TERT: variants seen among roughly 807,000 people sequenced by gnomAD.
The protein encoded by TERT is telomerase reverse transcriptase.
Under a neutral mutation model 104.0 loss-of-function variants are expected in TERT, and 42 were observed. The observed-to-expected ratio is 0.40, with a 90% CI of 0.32 to 0.52. The LOEUF (loss-of-function observed/expected upper bound fraction) is 0.52, where lower values mean the gene tolerates loss of function less well. Ranked by LOEUF, TERT falls within the 20% of genes least tolerant of loss-of-function variation. The pLI is 0.43. For synonymous variants in TERT, 781 were observed against 725.6 expected (o/e 1.08, Z -1.23); for missense variants, 1,101 against 1,610.3 (o/e 0.68, Z 5.41).
At chr5:1,281,156 C>T (rs1003092338) in intron 3 of TERT, among the ~76,000 whole-genome samples, 11 of 152,210 alleles carry the variant, frequency 7.2e-5, no homozygotes, top group Admixed American at 6.5e-5. Flanking sequence ...TAAATTCTTT[C>T]CAAAATACTG....
At position 1,281,391 on chromosome 5, in the gene TERT, C is replaced by T. The variant is rs376605061; in HGVS notation, c.1769+1038G>A. Among the ~76,000 whole-genome samples, 31 of 151,812 alleles carry T rather than the reference C, an allele frequency of 2.0e-4. No homozygotes were observed. The East Asian group carries it at 5.6e-3, about 28-fold the overall frequency. On this transcript the variant is annotated intron_variant, in intron 3 of 15. Coordinates refer to ENST00000310581, the MANE Select transcript of TERT (RefSeq NM_198253.3). ...CATCCTGATTTGGGGCATGGGGTGT[C>T]ACAAGGCCCCCCAGGGACTCGAGTG...
chr5:1,257,799 G>A lies in TERT; in HGVS notation c.3032+799C>T, dbSNP rs567665440. Among the ~76,000 whole-genome samples, 5 of 152,292 alleles carry A rather than the reference G, an allele frequency of 3.3e-5. No individual in the cohort carries two copies. The highest frequency in any genetic ancestry group is 3.9e-4 in the East Asian group (2 of 5,178). On this transcript the variant is annotated intron_variant, in intron 13 of 15. Transcript: ENST00000310581. The surrounding 1 kb of genome is among the most constrained non-coding windows in gnomAD (Gnocchi z 5.6). ...TGTGCACGGTAATTCGCGCAGCCTC[G>A]GCCCTGGGTAACACAAATGCTCACA...
At position 1,255,563 on chromosome 5, in the gene TERT, C is replaced by T. The variant is rs1286657380; in HGVS notation, c.3033-152G>A. The T allele has an allele frequency of 1.1e-6, 1 of 940,756 alleles. No individual in the cohort carries two copies. Among genetic ancestry groups the T allele is most frequent in the African/African-American group, 1.6e-5 (1 of 62,022 alleles). 58.3% of individuals were successfully genotyped at this position (940,756 alleles called of 1,614,324 possible). On this transcript the variant is annotated intron_variant, in intron 13 of 15. Coordinates refer to ENST00000310581, the MANE Select transcript of TERT (RefSeq NM_198253.3). The surrounding 1 kb of genome is among the most constrained non-coding windows in gnomAD (Gnocchi z 6.9). ...ACAGGTGCACACACACGGATGCATG[C>T]ATGCATGTCTGTGTGTGTGCTTGTG...
rs753929279 is a variant in TERT, at chr5:1,278,742, T to C, written c.2185A>G (p.Ile729Val). Residue 729 changes from isoleucine to valine, a missense_variant, in exon 6 of 16, where the codon ATC becomes GTC. Transcript: ENST00000310581. The stretch of plus-strand genomic sequence containing the variant: ...TTCTGGGGTTTGATGATGCTGGCGA[T>C]GACCTCCGTGAGCCTGTCCTGGGGG... Reference protein sequence around the residue: ...TIPQDRLTEVIASIIKPQNTY... With the variant: ...TIPQDRLTEVVASIIKPQNTY... The C allele has an allele frequency of 1.2e-5, 20 of 1,614,058 alleles. No homozygotes were observed. Among genetic ancestry groups the C allele is most frequent in the Non-Finnish European group, 1.7e-5 (20 of 1,180,056 alleles).
chr5:1,271,246 G>A, intron 7 of TERT, 42 bp from the exon 8 acceptor site: 1 of 1,484,634 alleles, frequency 6.7e-7, no homozygotes, highest in Non-Finnish European at 9.4e-7. Flanking sequence ...GAGCCGGTGG[G>A]TGCTGAGACA....
At chr5:1,289,984 C>A (rs71575527) in intron 2 of TERT, among the ~76,000 whole-genome samples, 1 of 23,056 alleles carries the variant, frequency 4.3e-5, no homozygotes, top group Non-Finnish European at 7.3e-5. Context: ...ACTCACCCTG[C>A]ACGTGACAGG....
rs1462640801 is a variant in TERT at position 1,288,691 on chromosome 5, T to C, written c.1573+4622A>G. On this transcript the variant is annotated intron_variant, in intron 2 of 15. Transcript: ENST00000310581. This position sits in a 1 kb window ranked among gnomAD's most constrained non-coding sequence, Gnocchi z 5.3. ...CTTTCCTTCAGGGCACAGAGAACCC[T>C]TTCTGGGATGTCTCCAGCAACACGT... Among the ~76,000 whole-genome samples, 3 of 152,150 alleles carry C rather than the reference T, an allele frequency of 2.0e-5. No individual in the cohort carries two copies. The highest frequency in any genetic ancestry group is 4.4e-5 in the Non-Finnish European group (3 of 68,028).
chr5:1,280,744 A>C (rs1297693434), intron 3 of TERT, among the ~76,000 whole-genome samples: 5 of 152,138 alleles, frequency 3.3e-5, no homozygotes. Flanking sequence ...CCCCAGGTAG[A>C]AAGAGCCACA....
chr5:1,293,922 G>A lies in TERT; in HGVS notation c.964C>T (p.Pro322Ser). The change falls in exon 2 of 16, where the codon CCC becomes TCC. Residue 322 changes from proline to serine, a missense_variant. Pro to Ser is a moderately conservative substitution (Grantham distance 74). Transcript: ENST00000310581. ...TGCTTGGTCTCGGCGTACACCGGGG[G>A]ACAAGGCGTGTCCCAGGGACGTGGT... ...RPPRPWDTPC[P>S]PVYAETKHFL... 6.5e-7 allele frequency: 1 copy of A among 1,542,622 alleles called. No individual in the cohort carries two copies. Among genetic ancestry groups the A allele is most frequent in the African/African-American group, 1.4e-5 (1 of 73,192 alleles).
rs1325633237 is a variant in TERT at position 1,294,218 on chromosome 5, C to T, written c.668G>A (p.Arg223Lys). 1 of 1,584,348 alleles carries T rather than the reference C, an allele frequency of 6.3e-7. No individual in the cohort carries two copies. Among genetic ancestry groups the T allele is most frequent in the Non-Finnish European group, 8.5e-7 (1 of 1,170,988 alleles). Residue 223 changes from arginine to lysine, a missense_variant, in exon 2 of 16, where the codon AGG becomes AAG. Arg to Lys is a conservative substitution (Grantham distance 26). This residue lies in a region of TERT where 504 missense variants were observed against 544.6 expected (regional missense o/e 0.93). Coordinates refer to ENST00000310581, the MANE Select transcript of TERT (RefSeq NM_198253.3). ...ACTTCGGCTGGCACTGCCCCCGCGC[C>T]TCCTCGCACCCGGGGCTGGCAGGCC... ...PLGLPAPGAR[R>K]RGGSASRSLP... is the part of the protein sequence containing the mutation.
chr5:1,282,414 G>A lies in TERT; in HGVS notation c.1769+15C>T, dbSNP rs201844905. ...GGACTTCGAGAAGCAGAGGCCTGGC[G>A]TGGGGATACAGTACCTGATTCCAAT... On this transcript the variant is annotated intron_variant, in intron 3 of 15. Coordinates refer to ENST00000310581, the MANE Select transcript of TERT (RefSeq NM_198253.3). The A allele has an allele frequency of 3.2e-5, 52 of 1,613,146 alleles. No individual in the cohort carries two copies. In the African/African-American group the frequency reaches 4.1e-4, roughly 13 times the overall value.
At position 1,253,434 on chromosome 5, in the gene TERT, C is replaced by T. The variant is rs571607606; in HGVS notation, c.*294G>A. 68 of 546,492 alleles carry T rather than the reference C, an allele frequency of 1.2e-4. No homozygotes were observed. Among genetic ancestry groups the T allele is most frequent in the Non-Finnish European group, 2.0e-4 (60 of 302,654 alleles). The allele number at this position is 546,492 out of a possible 1,614,324, so 33.9% of individuals were successfully genotyped here. ...CTATTCCTATGTGGGGAGTGGAAGC[C>T]GGGCTCCTGGTGAGGAAAAGCTGGC... On this transcript the variant is annotated 3_prime_UTR_variant, in exon 16 of 16. Transcript: ENST00000310581.
chr5:1,253,635 G>C lies in TERT; in HGVS notation c.*93C>G, dbSNP rs1463244121. The C allele has an allele frequency of 3.7e-6, 4 of 1,091,046 alleles. No individual in the cohort carries two copies. In the African/African-American group the frequency reaches 4.6e-5, roughly 13 times the overall value. The allele number at this position is 1,091,046 out of a possible 1,614,324, so 67.6% of individuals were successfully genotyped here. A position where few individuals can be genotyped will look rare whatever the true frequency, so the allele number is the denominator to read the frequency against. On this transcript the variant is annotated 3_prime_UTR_variant, in exon 16 of 16. Coordinates refer to ENST00000310581, the MANE Select transcript of TERT (RefSeq NM_198253.3). ...CTCAGACTCCCAGCGGTGCGGGCCT[G>C]GGTGTGGGCCGCCCCTCCCTCCCTG...
rs2126687319 is a variant in TERT at position 1,294,022 on chromosome 5, C to A, written c.864G>T (p.Ala288=). 5.0e-6 allele frequency: 8 copies of A among 1,594,310 alleles called. No individual in the cohort carries two copies. The highest frequency in any genetic ancestry group is 1.1e-5 in the South Asian group (1 of 88,496). Residue 288 remains alanine (A), a synonymous_variant, in exon 2 of 16, where the codon GCG becomes GCT. Transcript: ENST00000310581. ...PAEEATSLEG[A]LSGTRHSHPS... ...GGTGGGAGTGGCGCGTGCCAGAGAG[C>A]GCACCCTCCAAAGAGGTGGCTTCTT... is the stretch of plus-strand genomic sequence containing the variant.
intron 2 of TERT, among the ~76,000 whole-genome samples, chr5:1,283,337 G>A (rs1750189094): frequency 7.6e-6 from 1 of 132,194 alleles, no homozygotes; most frequent in Non-Finnish European, 1.6e-5. Context: ...GCTCACTGCA[G>A]GGCCTGGCGA....
In TERT at chr5:1,279,314, G is replaced by A. The variant is rs1749842550; in HGVS notation, c.2107C>T (p.Pro703Ser). ...FVLRVRAQDP[P>S]PELYFVKVDV... is the part of the protein sequence containing the mutation. ...ACCTTGACAAAGTACAGCTCAGGCG[G>A]CGGGTCCTGGGCCCGCACACGCAGC... The change falls in exon 5 of 16, where the codon CCG (proline) becomes TCG (serine). Residue 703 changes from proline (P) to serine (S), a missense_variant. Around this residue, in one of 5 missense-constraint regions of TERT, gnomAD observed 463 missense variants for 797.5 expected, o/e 0.58. Transcript: ENST00000310581. 6.3e-7 allele frequency: 1 copy of A among 1,584,636 alleles called. No homozygotes were observed. The highest frequency in any genetic ancestry group is 8.6e-7 in the Non-Finnish European group (1 of 1,167,758).
At chr5:1,281,940 T>G (rs1401842459) in intron 3 of TERT, among the ~76,000 whole-genome samples, 1 of 152,052 alleles carries the variant, frequency 6.6e-6, no homozygotes, top group Non-Finnish European at 1.5e-5. Context: ...GTACAAAAAT[T>G]AGCCAGGCGT....
At chr5:1,275,606 C>T (rs535613056) in intron 6 of TERT, among the ~76,000 whole-genome samples, 8 of 152,116 alleles carry the variant, frequency 5.3e-5, no homozygotes, top group East Asian at 3.9e-4. Flanking sequence ...ACTATAAACC[C>T]GACCATAGTT....
chr5:1,294,076 G>C lies in TERT; in HGVS notation c.810C>G (p.Phe270Leu). The change falls in exon 2 of 16, where the codon TTC becomes TTG. Residue 270 changes from phenylalanine to leucine, a missense_variant. Phe to Leu is a conservative substitution (Grantham distance 22). Around this residue, in one of 5 missense-constraint regions of TERT, gnomAD observed 504 missense variants for 544.6 expected, o/e 0.93. Transcript: ENST00000310581. ...CGGGTCTGGCAGGTGACACCACACA[G>C]AAACCACGGTCACTCGGTCCACGCG... ...GRTRGPSDRGFCVVSPARPAE... is the reference protein window; with the variant it reads ...GRTRGPSDRGLCVVSPARPAE... 1.3e-6 allele frequency: 2 copies of C among 1,591,650 alleles called. No individual in the cohort carries two copies. The highest frequency in any genetic ancestry group is 1.7e-5 in the Admixed American group (1 of 58,008).
Sources: allele counts gnomAD v4.1 joint callset (sites outside exome capture counted in the v4.1 genomes callset), GRCh38; gene constraint gnomAD v4.1.1; regional missense constraint gnomAD v4.1.1; non-coding constraint Gnocchi (gnomAD v3.1); transcripts MANE v1.5; gene names NCBI Gene and HGNC (gene_info 2026-07-23, HGNC 2026-07-21).